The following LRRC8D variants were observed in gnomAD, a reference collection of about 807,000 sequenced individuals.
LRRC8D encodes the protein volume-regulated anion channel subunit LRRC8D.
A neutral mutation model predicts 55.8 loss-of-function variants in LRRC8D; 20 were observed. That is an observed-to-expected ratio of 0.36 (90% confidence interval 0.25 to 0.52). LRRC8D has a LOEUF of 0.52. Among genes scored for constraint, LRRC8D ranks in the 20% least tolerant of loss-of-function variants. LRRC8D has a pLI of 0.93. For synonymous variants in LRRC8D, 352 were observed against 377.0 expected (o/e 0.93, Z 0.77); for missense variants, 651 against 1,030.8 (o/e 0.63, Z 5.05).
intron 2 of LRRC8D, among the ~76,000 whole-genome samples, chr1:89,891,182 AG>A (rs369143389): frequency 1.3e-5 from 2 of 152,186 alleles, no homozygotes; most frequent in African/African-American, 4.8e-5. Context: ...GCCTGGCCTC[AG>A]TTTTTGTCTT....
At chr1:89,920,694 TGG>T (rs902087043) in intron 2 of LRRC8D, among the ~76,000 whole-genome samples, 5 of 142,888 alleles carry the variant, frequency 3.5e-5, no homozygotes, top group African/African-American at 1.3e-4. Context: ...AGAGGCCTAT[TGG>T]GAAAAAAAAA....
intron 2 of LRRC8D, among the ~76,000 whole-genome samples, chr1:89,849,664 G>T (rs1052981009): frequency 1.7e-4 from 26 of 151,920 alleles, no homozygotes; most frequent in African/African-American, 5.6e-4. Flanking sequence ...CCTTTTCCAT[G>T]AATTGTCTTT....
chr1:89,861,817 A>G (rs1661726285), intron 2 of LRRC8D, among the ~76,000 whole-genome samples: 1 of 152,144 alleles, frequency 6.6e-6, no homozygotes, highest in African/African-American at 2.4e-5. Context: ...GGTAACATTT[A>G]TTTTTTCTTC....
At chr1:89,830,469 G>C (rs964215792) in intron 1 of LRRC8D, among the ~76,000 whole-genome samples, 1 of 152,104 alleles carries the variant, frequency 6.6e-6, no homozygotes, top group African/African-American at 2.4e-5. Context: ...ATTTATACCT[G>C]CTAAGTTCTG....
At position 89,925,009 on chromosome 1, in the gene LRRC8D, G is replaced by A. The variant is rs75709332; in HGVS notation, c.-2-8058G>A. Among the ~76,000 whole-genome samples the A allele has an allele frequency of 9.4e-3, 1,430 of 152,220 alleles. 20 individuals are homozygous for A. The highest frequency in any genetic ancestry group is 0.033 in the African/African-American group (1,357 of 41,538). ...TGGGGGTCCCCAACCCCTGGGCCAC[G>A]GACTGCTGCTGATTCATGGCCTGTT... On this transcript the variant is annotated intron_variant, in intron 2 of 2. Coordinates refer to ENST00000337338, the MANE Select transcript of LRRC8D (RefSeq NM_001134479.2).
rs889885580 is a variant in LRRC8D, at chr1:89,829,794, A to T, written c.-148+8503A>T. Reference sequence around the variant, plus strand: ...TACTTGAATGAAAATTTATCCTGGAATTGAGAGGGTAACTTTAAATCACTT... The same window carrying T: ...TACTTGAATGAAAATTTATCCTGGATTTGAGAGGGTAACTTTAAATCACTT... On this transcript the variant is annotated intron_variant, in intron 1 of 2. Transcript: ENST00000337338. Among the ~76,000 whole-genome samples the T allele has an allele frequency of 2.6e-5, 4 of 152,180 alleles. No individual in the cohort carries two copies. In the East Asian group the frequency reaches 5.8e-4, roughly 22 times the overall value.
At chr1:89,823,653 T>C (rs902347660) in intron 1 of LRRC8D, among the ~76,000 whole-genome samples, 1 of 152,166 alleles carries the variant, frequency 6.6e-6, no homozygotes, top group Admixed American at 6.5e-5. Context: ...GAAACACCAG[T>C]TAATATTTGT....
chr1:89,917,421 C>T (rs1047094004), intron 2 of LRRC8D, among the ~76,000 whole-genome samples: 14 of 152,140 alleles, frequency 9.2e-5, no homozygotes, highest in African/African-American at 3.4e-4. Flanking sequence ...ACACCAGTGA[C>T]TTAAAACTGC....
At chr1:89,886,683 G>A (rs933042746) in intron 2 of LRRC8D, among the ~76,000 whole-genome samples, 3 of 152,078 alleles carry the variant, frequency 2.0e-5, no homozygotes, top group Non-Finnish European at 2.9e-5. Flanking sequence ...TTAATAAAAC[G>A]GAAATATGCA....
chr1:89,825,250 G>A (rs1286615993), intron 1 of LRRC8D, among the ~76,000 whole-genome samples: 2 of 152,186 alleles, frequency 1.3e-5, no homozygotes, highest in African/African-American at 4.8e-5. Flanking sequence ...AGTGATGGAG[G>A]TGAGTTCTAG....
chr1:89,827,346 A>G (rs1278942692), intron 1 of LRRC8D, among the ~76,000 whole-genome samples: 7 of 146,378 alleles, frequency 4.8e-5, no homozygotes, highest in Non-Finnish European at 1.1e-4. Context: ...ACTGTCTCAA[A>G]AAAAAAAAAA....
At chr1:89,895,302 T>C (rs1662679495) in intron 2 of LRRC8D, among the ~76,000 whole-genome samples, 1 of 152,222 alleles carries the variant, frequency 6.6e-6, no homozygotes, top group African/African-American at 2.4e-5. Context: ...ACAAGAGTTT[T>C]AAATCCCTAT....
chr1:89,855,279 T>G (rs1661525818), intron 2 of LRRC8D, among the ~76,000 whole-genome samples: 1 of 152,234 alleles, frequency 6.6e-6, no homozygotes, highest in South Asian at 2.1e-4. Flanking sequence ...GTTGGCTGTA[T>G]TCTTCCTCTG....
intron 2 of LRRC8D, among the ~76,000 whole-genome samples, chr1:89,883,307 G>A (rs1662330329): frequency 6.6e-6 from 1 of 152,148 alleles, no homozygotes; most frequent in Admixed American, 6.5e-5. Context: ...TGATAGCAAT[G>A]TAGTGGGCAG....
At chr1:89,833,867 G>C (rs530638011) in intron 1 of LRRC8D, 1 of 152,092 alleles carries the variant, frequency 6.6e-6, no homozygotes, top group Non-Finnish European at 1.5e-5. Context: ...TGATAGTGTG[G>C]GTGTCAACTC....
chr1:89,917,267 C>T (rs1455071521), intron 2 of LRRC8D, among the ~76,000 whole-genome samples: 1 of 152,110 alleles, frequency 6.6e-6, no homozygotes, highest in African/African-American at 2.4e-5. Flanking sequence ...TTTTAACTAC[C>T]TACATATATC....
At chr1:89,844,788 C>T (rs940081649) in intron 2 of LRRC8D, among the ~76,000 whole-genome samples, 5 of 152,116 alleles carry the variant, frequency 3.3e-5, no homozygotes, top group African/African-American at 7.2e-5. Context: ...CTTGTTTTAC[C>T]GCCTGTTTAT....
chr1:89,887,545 C>A (rs1662451845), intron 2 of LRRC8D, among the ~76,000 whole-genome samples: 2 of 152,168 alleles, frequency 1.3e-5, no homozygotes, highest in African/African-American at 4.8e-5. Flanking sequence ...AGCTTTCAAC[C>A]TATGAAAACA....
At chr1:89,859,076 A>G (rs1661631427) in intron 2 of LRRC8D, among the ~76,000 whole-genome samples, 1 of 152,152 alleles carries the variant, frequency 6.6e-6, no homozygotes, top group South Asian at 2.1e-4. Context: ...TTTCTTTACA[A>G]AATTTTTGGT....
Sources: allele counts gnomAD v4.1 joint callset (sites outside exome capture counted in the v4.1 genomes callset), GRCh38; gene constraint gnomAD v4.1.1; transcripts MANE v1.5; gene names NCBI Gene and HGNC (gene_info 2026-07-23, HGNC 2026-07-21).